The following CACNA1C variants were observed in gnomAD, a reference collection of about 807,000 sequenced individuals.
CACNA1C encodes calcium voltage-gated channel subunit alpha1 C, also known as voltage-dependent L-type calcium channel subunit alpha-1C.
In CACNA1C, 30 loss-of-function variants were observed where a neutral mutation model predicts 229.0. The ratio of observed to expected loss-of-function variants is 0.13; its 90% CI spans 0.10 to 0.18. The LOEUF is 0.18. CACNA1C is among the 10% of genes least tolerant of loss of function. CACNA1C has a pLI of 1.00. For missense variants in CACNA1C, 1,658 were observed against 2,845.0 expected (o/e 0.58, Z 9.49); for synonymous variants, 1,114 against 1,132.5 (o/e 0.98, Z 0.33).
intron 1 of CACNA1C, among the ~76,000 whole-genome samples, chr12:2,086,460 G>C (rs1192564501): frequency 6.6e-6 from 1 of 152,128 alleles, no homozygotes; most frequent in Non-Finnish European, 1.5e-5. Context: ...TCTATTCTAG[G>C]CTTGTTAAAC....
At chr12:2,664,593 A>T (rs1199692644) in intron 34 of CACNA1C, among the ~76,000 whole-genome samples, 1 of 152,250 alleles carries the variant, frequency 6.6e-6, no homozygotes, top group African/African-American at 2.4e-5. Context: ...TTGCAAAAAC[A>T]GCAAGTTTTC....
chr12:2,107,087 C>T (rs1261577207), intron 1 of CACNA1C, among the ~76,000 whole-genome samples: 1 of 111,796 alleles, frequency 8.9e-6, no homozygotes, highest in Non-Finnish European at 2.0e-5. Flanking sequence ...GGGAGGGTTT[C>T]CACTTCAGCT....
intron 1 of CACNA1C, among the ~76,000 whole-genome samples, chr12:2,072,062 T>A (rs900477245): frequency 6.6e-6 from 1 of 152,154 alleles, no homozygotes; most frequent in Admixed American, 6.6e-5. Context: ...GGAAAGGGGT[T>A]ATAATAAATA....
intron 6 of CACNA1C, among the ~76,000 whole-genome samples, chr12:2,489,135 C>T (rs1288676673): frequency 6.6e-6 from 1 of 151,898 alleles, no homozygotes; most frequent in East Asian, 1.9e-4. Context: ...TTTAAAATTT[C>T]AGACTTTGGA....
Position 2,601,516 on chromosome 12 carries a change from C to G in CACNA1C, c.2854-338C>G, listed in dbSNP as rs1289737579. On this transcript the variant is annotated intron_variant, in intron 21 of 46. Transcript: ENST00000399655. The surrounding 1 kb of genome is among the most constrained non-coding windows in gnomAD (Gnocchi z 5.9). ...GCATCAGGAAAGGACCCTGCAGGCC[C>G]AAAGCCATGGACTTGGGATGTGGAA... Among the ~76,000 whole-genome samples the G allele has an allele frequency of 2.0e-5, 3 of 152,122 alleles. No individual in the cohort carries two copies. Among genetic ancestry groups the G allele is most frequent in the African/African-American group, 7.2e-5 (3 of 41,414 alleles).
intron 3 of CACNA1C, among the ~76,000 whole-genome samples, chr12:2,278,399 A>C (rs2089773514): frequency 6.6e-6 from 1 of 152,160 alleles, no homozygotes. Context: ...GCCCCTTTGT[A>C]ATCCCAGTAG....
chr12:2,128,464 G>T (rs1359429768), intron 3 of CACNA1C, among the ~76,000 whole-genome samples: 1 of 152,008 alleles, frequency 6.6e-6, no homozygotes, highest in Non-Finnish European at 1.5e-5. Context: ...AGGCTGGAGT[G>T]CAGTGGCGCG....
At chr12:2,331,308 G>A (rs766897730) in intron 3 of CACNA1C, among the ~76,000 whole-genome samples, 1 of 152,162 alleles carries the variant, frequency 6.6e-6, no homozygotes, top group Non-Finnish European at 1.5e-5. Flanking sequence ...CAACTCGAGA[G>A]CTGCTGAAAG....
At chr12:2,446,505 T>C (rs1235484039) in intron 3 of CACNA1C, among the ~76,000 whole-genome samples, 1 of 140,944 alleles carries the variant, frequency 7.1e-6, no homozygotes, top group Non-Finnish European at 1.5e-5. Context: ...AGTGGGTGGA[T>C]GGATGGATGG....
Position 2,696,731 on chromosome 12 carries a change from T to C in CACNA1C, c.*5532T>C, listed in dbSNP as rs933097425. The C allele has an allele frequency of 6.6e-6, 1 of 152,034 alleles. No homozygotes were observed. The highest frequency in any genetic ancestry group is 1.5e-5 in the Non-Finnish European group (1 of 68,010). The allele number at this position is 152,034 out of a possible 1,614,324, so 9.4% of individuals were successfully genotyped here. ...ACTGTTTGGGTCTGGAGAATTCCCA[T>C]TGTGGAAATCTTAGAGATCTCAAGT... On this transcript the variant is annotated 3_prime_UTR_variant, in exon 47 of 47. Transcript: ENST00000399655.
intron 1 of CACNA1C, among the ~76,000 whole-genome samples, chr12:2,109,236 T>TTC (rs2080606148): frequency 6.6e-6 from 1 of 152,142 alleles, no homozygotes; most frequent in Non-Finnish European, 1.5e-5. Flanking sequence ...GGGGGTCCCT[T>TTC]TCCAATGCCA....
At chr12:2,163,250 A>C (rs141592715) in intron 3 of CACNA1C, among the ~76,000 whole-genome samples, 221 of 150,752 alleles carry the variant, frequency 1.5e-3, no homozygotes, top group African/African-American at 5.0e-3. Context: ...ATAATGCTTT[A>C]AAATTGACAG....
intron 3 of CACNA1C, among the ~76,000 whole-genome samples, chr12:2,308,008 C>T (rs1261848639): frequency 6.6e-6 from 1 of 152,220 alleles, no homozygotes; most frequent in Non-Finnish European, 1.5e-5. Flanking sequence ...ACACCCTCTT[C>T]CCACCTCCAC....
intron 3 of CACNA1C, among the ~76,000 whole-genome samples, chr12:2,267,225 C>G (rs150299584): frequency 6.6e-6 from 1 of 152,114 alleles, no homozygotes; most frequent in African/African-American, 2.4e-5. Flanking sequence ...CAAGGAGAAC[C>G]CGGGAAATTC....
intron 3 of CACNA1C, among the ~76,000 whole-genome samples, chr12:2,333,644 G>A (rs1440970753): frequency 2.6e-5 from 4 of 152,176 alleles, no homozygotes; most frequent in South Asian, 2.1e-4. Flanking sequence ...CTCACAAGGC[G>A]TAACGACAGG....
chr12:2,131,866 A>C (rs1009794004), intron 3 of CACNA1C, among the ~76,000 whole-genome samples: 1 of 147,498 alleles, frequency 6.8e-6, no homozygotes, highest in African/African-American at 2.6e-5. Context: ...CTTGATGGGG[A>C]TGGCATTGAA....
intron 3 of CACNA1C, among the ~76,000 whole-genome samples, chr12:2,201,088 T>A (rs1424744381): frequency 6.6e-6 from 1 of 152,180 alleles, no homozygotes; most frequent in East Asian, 1.9e-4. Flanking sequence ...GAGTGGTGGT[T>A]TATCTTTCTG....
At chr12:2,083,892 C>T (rs2066590162) in intron 1 of CACNA1C, among the ~76,000 whole-genome samples, 1 of 152,200 alleles carries the variant, frequency 6.6e-6, no homozygotes, top group African/African-American at 2.4e-5. Flanking sequence ...TCCTACTAAA[C>T]ACGAGGCACT....
chr12:2,664,556 G>A (rs943447053), intron 34 of CACNA1C, among the ~76,000 whole-genome samples: 5 of 152,136 alleles, frequency 3.3e-5, no homozygotes, highest in Non-Finnish European at 7.3e-5. Flanking sequence ...ACATCCAAAG[G>A]GCTAAGTCTC....
Sources: allele counts gnomAD v4.1 joint callset (sites outside exome capture counted in the v4.1 genomes callset), GRCh38; gene constraint gnomAD v4.1.1; non-coding constraint Gnocchi (gnomAD v3.1); transcripts MANE v1.5; gene names NCBI Gene and HGNC (gene_info 2026-07-23, HGNC 2026-07-21).